Variants in ADK observed in about 807,000 individuals in gnomAD.
ADK encodes the protein adenosine kinase.
Under a neutral mutation model 44.7 loss-of-function variants are expected in ADK, and 24 were observed. The ratio of observed to expected loss-of-function variants is 0.54; its 90% CI spans 0.39 to 0.76. The LOEUF is 0.76. ADK is among the 30% of genes least tolerant of loss of function. The pLI is 0.00. For missense variants in ADK, 321 were observed against 425.1 expected (o/e 0.76, Z 2.15); for synonymous variants, 128 against 142.6 (o/e 0.90, Z 0.73).
intron 1 of ADK, among the ~76,000 whole-genome samples, chr10:74,181,253 T>G (rs1564576507): frequency 6.6e-6 from 1 of 151,134 alleles, no homozygotes; most frequent in Non-Finnish European, 1.5e-5. Context: ...TTGGGGGGGG[T>G]CTCTTTAGGA....
chr10:74,651,277 A>G (rs1387798508), intron 9 of ADK, among the ~76,000 whole-genome samples: 2 of 152,192 alleles, frequency 1.3e-5, no homozygotes, highest in East Asian at 3.8e-4. Context: ...ATCCCTAATT[A>G]CGGAGAACTG....
At chr10:74,406,828 G>A (rs10824171) in intron 6 of ADK, among the ~76,000 whole-genome samples, 91,066 of 151,412 alleles carry the variant, frequency 0.6, 29,904 homozygotes, top group Middle Eastern at 0.77. Context: ...CTACAGGCAC[G>A]CCTCACCACA....
intron 3 of ADK, among the ~76,000 whole-genome samples, chr10:74,264,237 A>G (rs1000368164): frequency 6.6e-6 from 1 of 152,226 alleles, no homozygotes; most frequent in Non-Finnish European, 1.5e-5. Flanking sequence ...GCACTTCAGT[A>G]GATGTTGCTG....
intron 7 of ADK, chr10:74,530,522 T>C (rs1849240824): frequency 6.6e-6 from 1 of 152,190 alleles, no homozygotes; most frequent in South Asian, 2.1e-4. Context: ...CCACAAAGAT[T>C]ATTTCTTCAC....
intron 7 of ADK, among the ~76,000 whole-genome samples, chr10:74,541,150 G>T (rs1375033739): frequency 6.6e-6 from 1 of 152,000 alleles, no homozygotes; most frequent in African/African-American, 2.4e-5. Flanking sequence ...GAGTAGCTGG[G>T]GTTACAAGTT....
At chr10:74,276,250 C>T (rs1846674265) in intron 3 of ADK, among the ~76,000 whole-genome samples, 1 of 152,146 alleles carries the variant, frequency 6.6e-6, no homozygotes, top group Non-Finnish European at 1.5e-5. Context: ...ACCTATCCTT[C>T]CCCTGTTTGA....
chr10:74,307,234 G>T (rs768544751), intron 3 of ADK, among the ~76,000 whole-genome samples: 3 of 152,200 alleles, frequency 2.0e-5, no homozygotes, highest in African/African-American at 7.2e-5. Flanking sequence ...TAGAGTCAGA[G>T]AACTTTCTGC....
chr10:74,532,765 G>A (rs1341541268), intron 7 of ADK, among the ~76,000 whole-genome samples: 1 of 150,944 alleles, frequency 6.6e-6, no homozygotes, highest in East Asian at 2.0e-4. Flanking sequence ...GCTGGGCATG[G>A]TGGCACACGC....
chr10:74,584,008 G>A (rs2133903379), intron 7 of ADK, among the ~76,000 whole-genome samples: 1 of 152,284 alleles, frequency 6.6e-6, no homozygotes, highest in African/African-American at 2.4e-5. Context: ...GAGAAGGCTT[G>A]TGATCAAGAA....
At chr10:74,633,361 C>A (rs1313228908) in intron 9 of ADK, among the ~76,000 whole-genome samples, 1 of 152,036 alleles carries the variant, frequency 6.6e-6, no homozygotes. Flanking sequence ...TTTACTAATC[C>A]TCTTTTGGTA....
chr10:74,274,730 G>GTATATATATATATATA (rs1200421234), intron 3 of ADK, among the ~76,000 whole-genome samples: 2 of 40,518 alleles, frequency 4.9e-5, no homozygotes, highest in Non-Finnish European at 1.3e-4. Flanking sequence ...ATTTTAATGT[G>GTATATATATATATATA]TGTATATATA....
intron 4 of ADK, among the ~76,000 whole-genome samples, chr10:74,324,049 A>G (rs1439504577): frequency 1.3e-5 from 2 of 150,032 alleles, no homozygotes; most frequent in African/African-American, 4.9e-5. Flanking sequence ...TGGAGATGGC[A>G]TCTTGCTCTG....
At chr10:74,200,662 A>G (rs904973758) in intron 1 of ADK, 102 bp from the exon 2 acceptor site, 2 of 801,260 alleles carry the variant, frequency 2.5e-6, no homozygotes, top group African/African-American at 3.4e-5. Context: ...TGTTAGGTTT[A>G]TTTTCAGGTT....
At chr10:74,421,249 T>C (rs1259172962) in intron 6 of ADK, among the ~76,000 whole-genome samples, 1 of 152,164 alleles carries the variant, frequency 6.6e-6, no homozygotes, top group Non-Finnish European at 1.5e-5. Context: ...GTTGGTAAAT[T>C]TGTTTCTCAT....
rs187609560 is a variant in ADK, at chr10:74,324,529, C to T, written c.273+9784C>T. Among the ~76,000 whole-genome samples the T allele has an allele frequency of 6.6e-5, 10 of 152,284 alleles. No homozygotes were observed. The East Asian group carries it at 1.9e-3, about 29-fold the overall frequency. ...TTGTCTTTTTGTACCTGGATTATTT[C>T]TGTTAACAAGTTATTCTCCAGGTTC... On this transcript the variant is annotated intron_variant, in intron 4 of 10. Coordinates refer to ENST00000539909, the MANE Select transcript of ADK (RefSeq NM_006721.4).
chr10:74,278,368 A>T (rs1332337858), intron 3 of ADK, among the ~76,000 whole-genome samples: 7 of 35,636 alleles, frequency 2.0e-4, no homozygotes, highest in South Asian at 4.8e-4. Flanking sequence ...AAAAAAATTA[A>T]AAAAAAAAAA....
At chr10:74,255,010 G>A (rs1197779359) in intron 3 of ADK, among the ~76,000 whole-genome samples, 1 of 152,094 alleles carries the variant, frequency 6.6e-6, no homozygotes, top group African/African-American at 2.4e-5. Context: ...TAAAAATTTA[G>A]ATGAGTAAAA....
intron 3 of ADK, among the ~76,000 whole-genome samples, chr10:74,279,556 G>T (rs1846834822): frequency 6.6e-6 from 1 of 150,724 alleles, no homozygotes; most frequent in African/African-American, 2.4e-5. Context: ...TCCAGCTTGG[G>T]TGACAGAGTG....
chr10:74,525,268 A>T lies in ADK; in HGVS notation c.568A>T (p.Thr190Ser). The T allele has an allele frequency of 6.2e-7, 1 of 1,613,554 alleles. No individual in the cohort carries two copies. The highest frequency in any genetic ancestry group is 8.5e-7 in the Non-Finnish European group (1 of 1,179,816). Residue 190 changes from threonine to serine, a missense_variant, in exon 7 of 11, where the codon ACA (threonine) becomes TCA (serine). Physicochemically the swap from Thr to Ser is moderately conservative, Grantham distance 58. Coordinates refer to ENST00000539909, the MANE Select transcript of ADK (RefSeq NM_006721.4). Reference protein sequence around the residue: ...RVCYIAGFFLTVSPESVLKVA... With the variant: ...RVCYIAGFFLSVSPESVLKVA... ...TTTCTTCATCCAGGGCTTTTTTCTT[A>T]CAGTTTCCCCAGAGTCAGTATTAAA...
Sources: gnomAD v4.1 joint callset for allele counts (sites outside exome capture counted in the v4.1 genomes callset) on GRCh38, gnomAD v4.1.1 for gene constraint, MANE v1.5 for transcripts, NCBI Gene and HGNC (gene_info 2026-07-23, HGNC 2026-07-21) for gene names.